The following ABLIM1 variants were observed in gnomAD, a reference collection of about 807,000 sequenced individuals.
The protein encoded by ABLIM1 is actin-binding LIM protein 1.
Under a neutral mutation model 107.0 loss-of-function variants are expected in ABLIM1, and 40 were observed. The ratio of observed to expected loss-of-function variants is 0.37; its 90% confidence interval spans 0.29 to 0.49. The LOEUF is 0.49. ABLIM1 is among the 20% of genes least tolerant of loss of function. The pLI, the probability that ABLIM1 is intolerant of heterozygous loss-of-function variation, is 0.97. For synonymous variants in ABLIM1, 357 were observed against 357.3 expected, an observed-to-expected ratio of 1.00 and a Z score of 0.01; for missense variants, 857 against 1,008.5, an observed-to-expected ratio of 0.85 and a Z score of 2.04.
chr10:114,550,388 A>T lies in ABLIM1; in HGVS notation c.674-2612T>A, dbSNP rs998631516. Among the ~76,000 whole-genome samples the T allele has an allele frequency of 4.1e-3, 36 of 8,798 alleles. No homozygotes were observed. In the African/African-American group the frequency reaches 0.11, roughly 26 times the overall value. 5.8% of individuals were successfully genotyped at this position (8,798 alleles called of 152,430 possible). On this transcript the variant is annotated intron_variant, in intron 4 of 22. Coordinates refer to ENST00000533213, the MANE Select transcript of ABLIM1 (RefSeq NM_002313.7). Reference sequence around the variant, plus strand: ...GTAAGAAAACTGATAGTTTTTTTTAAAAAAAAGACTACTTTTAGAGCAGGT... The same window carrying T: ...GTAAGAAAACTGATAGTTTTTTTTATAAAAAAGACTACTTTTAGAGCAGGT...
At chr10:114,732,459 T>C (rs1407555935) in intron 1 of ABLIM1, among the ~76,000 whole-genome samples, 2 of 152,156 alleles carry the variant, frequency 1.3e-5, no homozygotes, top group Admixed American at 1.3e-4. Flanking sequence ...CTTTATATAT[T>C]CTGAAAAATA....
chr10:114,695,428 C>A (rs2081175108), intron 1 of ABLIM1, among the ~76,000 whole-genome samples: 1 of 152,102 alleles, frequency 6.6e-6, no homozygotes, highest in Non-Finnish European at 1.5e-5. Context: ...CTCAGAGAGG[C>A]TACATCATTT....
rs1239681394 is a variant in ABLIM1 at position 114,617,514 on chromosome 10, C to T, written c.245-15553G>A. Among the ~76,000 whole-genome samples the T allele has an allele frequency of 3.3e-5, 5 of 152,088 alleles. No homozygotes were observed. In the East Asian group the frequency reaches 5.8e-4, roughly 18 times the overall value. ...AACTCTTGATCTCAGGTAATCCACC[C>T]GCCTCGCCCTCCCAAAGTGCTGGGA... On this transcript the variant is annotated intron_variant, in intron 1 of 22. Transcript: ENST00000533213.
chr10:114,611,905 A>G (rs2076835155), intron 1 of ABLIM1, among the ~76,000 whole-genome samples: 2 of 152,104 alleles, frequency 1.3e-5, no homozygotes, highest in Admixed American at 1.3e-4. Flanking sequence ...ATGTTCAACC[A>G]TTTGTATACA....
In ABLIM1 at chr10:114,490,750, T is replaced by TAA. The variant is rs34468632; in HGVS notation, c.982+1039_982+1040dup. ...AAAACTGATCATATATATATATATA[T>TAA]AATCAGTTTCATAAAAACTATGATC... is the stretch of plus-strand genomic sequence containing the variant. On this transcript the variant is annotated intron_variant, in intron 7 of 22. Coordinates refer to ENST00000533213, the MANE Select transcript of ABLIM1 (RefSeq NM_002313.7). Among the ~76,000 whole-genome samples the TAA allele has an allele frequency of 2.6e-5, 4 of 151,320 alleles. No homozygotes were observed. In the East Asian group the frequency reaches 5.8e-4, roughly 22 times the overall value.
intron 1 of ABLIM1, among the ~76,000 whole-genome samples, chr10:114,717,991 A>AAAGGAAGGAAGGAAGGAAGGAAGG (rs3061776): frequency 3.1e-4 from 27 of 86,858 alleles, no homozygotes; most frequent in Admixed American, 1.5e-3. Flanking sequence ...AGAAAGAAAG[A>AAAGGAAGGAAGGAAGGAAGGAAGG]AAGGAAGGAA....
the ABLIM1 span, among the ~76,000 whole-genome samples, chr10:114,789,254 C>CA: frequency 1.3e-5 from 2 of 150,536 alleles, no homozygotes; most frequent in African/African-American, 2.4e-5. Context: ...GACTCCGTCT[C>CA]AAAAAAAATA....
chr10:114,498,974 A>G (rs1386917887), intron 6 of ABLIM1, among the ~76,000 whole-genome samples: 2 of 152,232 alleles, frequency 1.3e-5, no homozygotes, highest in African/African-American at 4.8e-5. Flanking sequence ...ATGATTCACA[A>G]CAACCCTATG....
rs1000749402 is a variant in ABLIM1 at position 114,433,246 on chromosome 10, A to G, written c.*3014T>C. On this transcript the variant is annotated 3_prime_UTR_variant, in exon 23 of 23. Transcript: ENST00000533213. ...ATAGTACAGGGTAGGGTAAAAGCAG[A>G]CCAATAGCCATCTTGTGTGCTGTGA... 1 of 152,232 alleles carries G rather than the reference A, an allele frequency of 6.6e-6. No individual in the cohort carries two copies. The highest frequency in any genetic ancestry group is 1.5e-5 in the Non-Finnish European group (1 of 68,046). 9.4% of individuals were successfully genotyped at this position (152,232 alleles called of 1,614,324 possible).
chr10:114,735,133 G>A lies in ABLIM1; in HGVS notation c.-213+32928C>T, dbSNP rs2082152556. ...TAGATTCTTGAGTCCCTGACCTCAAGAAGTCCCCAGTTGAGTAGGCTAGCA... is the reference window on the plus strand; with the variant it reads ...TAGATTCTTGAGTCCCTGACCTCAAAAAGTCCCCAGTTGAGTAGGCTAGCA... On this transcript the variant is annotated intron_variant, in intron 1 of 15. Coordinates refer to the ABLIM1 transcript ENST00000651092. Among the ~76,000 whole-genome samples the A allele has an allele frequency of 2.0e-5, 3 of 152,166 alleles. No individual in the cohort carries two copies. In the South Asian group the frequency reaches 6.2e-4, roughly 32 times the overall value.
At chr10:114,503,395 G>A (rs1043588009) in intron 6 of ABLIM1, among the ~76,000 whole-genome samples, 1 of 151,984 alleles carries the variant, frequency 6.6e-6, no homozygotes, top group African/African-American at 2.4e-5. Flanking sequence ...AGGCTGCAGT[G>A]AGCCGTGATC....
intron 1 of ABLIM1, among the ~76,000 whole-genome samples, chr10:114,636,910 G>A (rs2078507249): frequency 6.6e-6 from 1 of 151,970 alleles, no homozygotes; most frequent in African/African-American, 2.4e-5. Context: ...GCGTGCACCT[G>A]TAATCTCAAA....
chr10:114,580,628 T>C (rs2073254008), intron 2 of ABLIM1, among the ~76,000 whole-genome samples: 1 of 152,244 alleles, frequency 6.6e-6, no homozygotes, highest in South Asian at 2.1e-4. Context: ...AGTCCTATAC[T>C]TTTTGAAAAT....
chr10:114,679,825 G>A (rs1487493459), intron 1 of ABLIM1, among the ~76,000 whole-genome samples: 1 of 152,086 alleles, frequency 6.6e-6, no homozygotes. Context: ...TCATTCCTTT[G>A]TCTCCCATTC....
intron 1 of ABLIM1, among the ~76,000 whole-genome samples, chr10:114,644,429 G>C (rs2483524): frequency 0.02 from 2,973 of 145,952 alleles, 93 homozygotes; most frequent in African/African-American, 0.072. Context: ...TATTTAACCT[G>C]TATATTCATG....
At chr10:114,781,564 G>A in the ABLIM1 span, among the ~76,000 whole-genome samples, 2 of 150,948 alleles carry the variant, frequency 1.3e-5, no homozygotes, top group African/African-American at 4.9e-5. Flanking sequence ...GTGTGTGTGT[G>A]TGTGTATGTA....
intron 1 of ABLIM1, among the ~76,000 whole-genome samples, chr10:114,640,768 T>C (rs1258597667): frequency 6.6e-6 from 1 of 152,170 alleles, no homozygotes; most frequent in Non-Finnish European, 1.5e-5. Context: ...AAATTTTAAT[T>C]TTACTTTATT....
At chr10:114,648,999 G>A (rs530854320) in intron 1 of ABLIM1, among the ~76,000 whole-genome samples, 4 of 152,194 alleles carry the variant, frequency 2.6e-5, no homozygotes, top group East Asian at 1.9e-4. Flanking sequence ...ATCAAACAGG[G>A]AGAGAGGAGA....
intron 4 of ABLIM1, among the ~76,000 whole-genome samples, chr10:114,564,563 G>A (rs1037471603): frequency 6.6e-6 from 1 of 151,898 alleles, no homozygotes; most frequent in African/African-American, 2.4e-5. Flanking sequence ...GAGCCACTGC[G>A]CCCAGCATCC....
Sources: allele counts gnomAD v4.1 joint callset (sites outside exome capture counted in the v4.1 genomes callset), GRCh38; gene constraint gnomAD v4.1.1; transcripts MANE v1.5; gene names NCBI Gene and HGNC (gene_info 2026-07-23, HGNC 2026-07-21).